The following JMJD6 variants were observed in gnomAD, a reference collection of about 807,000 sequenced individuals.
The protein encoded by JMJD6 is bifunctional arginine demethylase and lysyl-hydroxylase JMJD6.
Under a neutral mutation model 45.8 loss-of-function variants are expected in JMJD6, and 17 were observed. The ratio of observed to expected loss-of-function variants is 0.37; its 90% CI spans 0.25 to 0.56. The LOEUF (loss-of-function observed/expected upper bound fraction) is 0.56. Ranked by LOEUF, JMJD6 falls within the 20% of genes least tolerant of loss-of-function variation. The pLI, the probability that JMJD6 is intolerant of heterozygous loss-of-function variation, is 0.79. For synonymous variants in JMJD6, 221 were observed against 196.3 expected, an observed-to-expected ratio of 1.13 and a Z score of -1.05; for missense variants, 470 against 517.5, an observed-to-expected ratio of 0.91 and a Z score of 0.89.
downstream of JMJD6, among the ~76,000 whole-genome samples, chr17:76,717,838 A>C (rs2076777161): frequency 6.6e-6 from 1 of 152,048 alleles, no homozygotes; most frequent in Admixed American, 6.5e-5. Flanking sequence ...AAAATAAAAA[A>C]AAATTAGCTG....
At chr17:76,717,992 A>G (rs536204374), downstream of JMJD6, among the ~76,000 whole-genome samples, 81 of 150,550 alleles carry the variant, frequency 5.4e-4, no homozygotes, top group African/African-American at 1.9e-3. Flanking sequence ...CTCTGTCTCA[A>G]AAAAAAATAA....
In JMJD6 at chr17:76,726,542, C is replaced by T; in HGVS notation, c.-67G>A. 6.6e-7 allele frequency: 1 copy of T among 1,513,730 alleles called. No individual in the cohort carries two copies. The highest frequency in any genetic ancestry group is 8.8e-7 in the Non-Finnish European group (1 of 1,135,994). 93.8% of individuals were successfully genotyped at this position (1,513,730 alleles called of 1,614,324 possible). A position where few individuals can be genotyped will look rare whatever the true frequency, so the allele number is the denominator to read the frequency against. On this transcript the variant is annotated 5_prime_UTR_variant, in exon 1 of 6. Coordinates refer to ENST00000397625, the MANE Select transcript of JMJD6 (RefSeq NM_015167.3). ...GCCCGCTTCCTGACACTAACGCACC[C>T]CTCCCCGGCCTGGGCGGCGGCGACG...
At chr17:76,724,691 C>T (rs2143741786) in intron 2 of JMJD6, among the ~76,000 whole-genome samples, 1 of 151,936 alleles carries the variant, frequency 6.6e-6, no homozygotes, top group Admixed American at 6.5e-5. Context: ...GTGGTGGGCA[C>T]CTGTAATCCC....
At position 76,718,603 on chromosome 17, in the gene JMJD6, C is replaced by T. The variant is rs775286513; in HGVS notation, c.*126G>A. On this transcript the variant is annotated 3_prime_UTR_variant, in exon 6 of 6. Coordinates refer to ENST00000397625, the MANE Select transcript of JMJD6 (RefSeq NM_015167.3). ...ACGCTAAGTGAATGGGTTCCCGTGCCGAGGGTGTCCTCATTCTTGGGCTCT... is the reference window on the plus strand; with the variant it reads ...ACGCTAAGTGAATGGGTTCCCGTGCTGAGGGTGTCCTCATTCTTGGGCTCT... 15 of 1,473,390 alleles carry T rather than the reference C, an allele frequency of 1.0e-5. No individual in the cohort carries two copies. Among genetic ancestry groups the T allele is most frequent in the Admixed American group, 1.0e-4 (4 of 39,420 alleles). 91.3% of individuals were successfully genotyped at this position (1,473,390 alleles called of 1,614,324 possible). A position where few individuals can be genotyped will look rare whatever the true frequency, so the allele number is the denominator to read the frequency against.
At position 76,721,941 on chromosome 17, in the gene JMJD6, C is replaced by T; in HGVS notation, c.806-8G>A. On this transcript the variant is annotated splice_polypyrimidine_tract_variant and splice_region_variant and intron_variant, in intron 3 of 5. Coordinates refer to ENST00000397625, the MANE Select transcript of JMJD6 (RefSeq NM_015167.3). Reference sequence around the variant, plus strand: ...CAACATGCCACCAGCCTCCTGAAATCCAACAAATAAACAGTTAAACAAGGT... The same window carrying T: ...CAACATGCCACCAGCCTCCTGAAATTCAACAAATAAACAGTTAAACAAGGT... The T allele has an allele frequency of 2.5e-6, 4 of 1,613,898 alleles. No homozygotes were observed. Among genetic ancestry groups the T allele is most frequent in the Non-Finnish European group, 3.4e-6 (4 of 1,179,880 alleles).
At chr17:76,718,378 C>T (rs2076783348), downstream of JMJD6, 1 of 1,101,544 alleles carries the variant, frequency 9.1e-7, no homozygotes, top group Non-Finnish European at 1.2e-6. Flanking sequence ...TCACTGCTTT[C>T]CCCCAAGACC....
intron 3 of JMJD6, among the ~76,000 whole-genome samples, chr17:76,722,729 C>T (rs2076840780): frequency 6.6e-6 from 1 of 150,744 alleles, no homozygotes; most frequent in African/African-American, 2.4e-5. Flanking sequence ...GCCTGTATTC[C>T]CAGCTACTTG....
Position 76,725,853 on chromosome 17 carries a change from A to T in JMJD6, c.132T>A (p.Asp44Glu). ...GTAAAGCATCTGCCCTTTCCACGTT[A>T]TCCTGAGGGAATTAAAAAAGACCTG... Reference protein sequence around the residue: ...SFSLSPAAVADNVERADALQL... With the variant: ...SFSLSPAAVAENVERADALQL... The change falls in exon 2 of 6, where the codon GAT becomes GAA. Residue 44 changes from aspartate to glutamate, a missense_variant and splice_region_variant. By Grantham distance (45) the Asp-to-Glu change is conservative (BLOSUM62 2). Transcript: ENST00000397625. The T allele has an allele frequency of 6.3e-7, 1 of 1,589,526 alleles. No homozygotes were observed. Among genetic ancestry groups the T allele is most frequent in the East Asian group, 2.2e-5 (1 of 44,716 alleles).
intron 3 of JMJD6, 71 bp downstream of exon 3, chr17:76,723,701 A>G: frequency 6.8e-7 from 1 of 1,460,470 alleles, no homozygotes; most frequent in South Asian, 1.2e-5. Flanking sequence ...TCAGCCTCCC[A>G]AAGTGCTGGG....
chr17:76,725,838 T>G lies in JMJD6; in HGVS notation c.147A>C (p.Ala49=). 1.2e-6 allele frequency: 2 copies of G among 1,611,824 alleles called. No homozygotes were observed. The highest frequency in any genetic ancestry group is 1.7e-6 in the Non-Finnish European group (2 of 1,179,400). ...CTTCCACAGACAGCTGTAAAGCATC[T>G]GCCCTTTCCACGTTATCCTGAGGGA... ...PAAVADNVER[A]DALQLSVEEF... is the part of the protein sequence containing the mutation. Residue 49 remains alanine, a synonymous_variant, in exon 2 of 6, where the codon GCA becomes GCC. Coordinates refer to ENST00000397625, the MANE Select transcript of JMJD6 (RefSeq NM_015167.3).
At position 76,726,533 on chromosome 17, in the gene JMJD6, T is replaced by C; in HGVS notation, c.-58A>G. 6.5e-7 allele frequency: 1 copy of C among 1,538,004 alleles called. No homozygotes were observed. The highest frequency in any genetic ancestry group is 8.7e-7 in the Non-Finnish European group (1 of 1,145,196). On this transcript the variant is annotated 5_prime_UTR_variant, in exon 1 of 6. Coordinates refer to ENST00000397625, the MANE Select transcript of JMJD6 (RefSeq NM_015167.3). ...CTCGGCGCAGCCCGCTTCCTGACAC[T>C]AACGCACCCCTCCCCGGCCTGGGCG...
rs748413893 is a variant in JMJD6, at chr17:76,726,443, C to A, written c.33G>T (p.Glu11Asp). Residue 11 changes from glutamate to aspartate, a missense_variant, in exon 1 of 6, where the codon GAG becomes GAT. Around this residue, in one of 4 missense-constraint regions of JMJD6, gnomAD observed 346 missense variants for 339.5 expected, o/e 1.02. Transcript: ENST00000397625. MNHKSKKRIREAKRSARPELK... is the reference protein window; with the variant it reads MNHKSKKRIRDAKRSARPELK... ...GCTCCGGCCGCGCACTCCGCTTGGC[C>A]TCGCGGATGCGCTTCTTGCTCTTGT... 6.2e-7 allele frequency: 1 copy of A among 1,603,772 alleles called. No individual in the cohort carries two copies. Among genetic ancestry groups the A allele is most frequent in the South Asian group, 1.1e-5 (1 of 89,934 alleles).
intron 5 of JMJD6, among the ~76,000 whole-genome samples, chr17:76,720,030 A>T (rs577274903): frequency 6.6e-6 from 1 of 152,354 alleles, no homozygotes; most frequent in African/African-American, 2.4e-5. Flanking sequence ...CTGTAATCCC[A>T]GCTACCAGGG....
chr17:76,721,254 C>A, intron 4 of JMJD6: 2 of 403,484 alleles, frequency 5.0e-6, no homozygotes, highest in South Asian at 3.3e-5. Flanking sequence ...GCCAGAATCC[C>A]TCTCTTACCC....
At chr17:76,716,808 C>A, downstream of JMJD6, 1 of 1,400,360 alleles carries the variant, frequency 7.1e-7, no homozygotes, top group Non-Finnish European at 1.0e-6. Flanking sequence ...AAAGCAGGAC[C>A]CCCGGGACCC....
intron 3 of JMJD6, among the ~76,000 whole-genome samples, chr17:76,722,279 A>G (rs1567999360): frequency 6.6e-6 from 1 of 152,220 alleles, no homozygotes; most frequent in African/African-American, 2.4e-5. Context: ...TATGACCAAA[A>G]GTGCAAAAGC....
At chr17:76,719,160 G>C (rs1318005097) in intron 5 of JMJD6, among the ~76,000 whole-genome samples, 1 of 152,168 alleles carries the variant, frequency 6.6e-6, no homozygotes, top group Non-Finnish European at 1.5e-5. Flanking sequence ...AATTCTGAAA[G>C]TACATTATAA....
intron 4 of JMJD6, among the ~76,000 whole-genome samples, chr17:76,721,030 A>G (rs2076817500): frequency 6.6e-6 from 1 of 152,192 alleles, no homozygotes; most frequent in South Asian, 2.1e-4. Flanking sequence ...TGAACTGAAG[A>G]GCAGCAGCCC....
At chr17:76,726,304 G>A (rs1335124716) in intron 1 of JMJD6, 43 bp downstream of exon 1, 3 of 1,527,212 alleles carry the variant, frequency 2.0e-6, no homozygotes, top group South Asian at 2.4e-5. Flanking sequence ...AGCGGCTGGA[G>A]GTGCCGATGC....
Sources: allele counts gnomAD v4.1 joint callset (sites outside exome capture counted in the v4.1 genomes callset), GRCh38; gene constraint gnomAD v4.1.1; regional missense constraint gnomAD v4.1.1; transcripts MANE v1.5; gene names NCBI Gene and HGNC (gene_info 2026-07-23, HGNC 2026-07-21).